Variants in RABL2A observed in about 807,000 individuals in gnomAD.
RABL2A encodes RAB, member of RAS oncogene family like 2A, also known as rab-like protein 2A.
RABL2A carries 17 observed loss-of-function variants against 30.7 expected under a neutral mutation model. The observed-to-expected ratio is 0.55, with a 90% CI of 0.38 to 0.83. The LOEUF is 0.83. Ranked by LOEUF, RABL2A falls within the 40% of genes least tolerant of loss-of-function variation. The pLI is 0.00. For synonymous variants in RABL2A, 64 were observed against 101.8 expected, an observed-to-expected ratio of 0.63 and a Z score of 2.24; for missense variants, 155 against 272.6, an observed-to-expected ratio of 0.57 and a Z score of 3.04.
chr2:113,629,696 A>G (rs1679556386), intron 2 of RABL2A, among the ~76,000 whole-genome samples: 2 of 152,080 alleles, frequency 1.3e-5, no homozygotes, highest in Admixed American at 1.3e-4. Flanking sequence ...CACCACACCC[A>G]GCTAATTTTA....
intron 4 of RABL2A, 101 bp downstream of exon 4, chr2:113,634,333 A>G: frequency 6.7e-7 from 1 of 1,494,656 alleles, no homozygotes; most frequent in South Asian, 1.2e-5. Flanking sequence ...CCAGAGGGAG[A>G]AAATGAGACC....
chr2:113,634,014 A>G (rs949492165), intron 3 of RABL2A, 139 bp from the exon 4 acceptor site: 4 of 1,451,244 alleles, frequency 2.8e-6, no homozygotes, highest in African/African-American at 2.8e-5. Context: ...TCTGTCTGCA[A>G]CATTCATTTG....
intron 5 of RABL2A, chr2:113,638,278 G>T: frequency 1.0e-6 from 1 of 985,422 alleles, no homozygotes; most frequent in Non-Finnish European, 1.2e-6. Context: ...TGTGACAGTT[G>T]CTGACCCTCC....
chr2:113,628,970 C>T (rs568107398), intron 2 of RABL2A, among the ~76,000 whole-genome samples: 18 of 151,488 alleles, frequency 1.2e-4, no homozygotes, highest in African/African-American at 3.9e-4. Flanking sequence ...CAACTGAGGA[C>T]ATTGTATGTG....
intron 5 of RABL2A, among the ~76,000 whole-genome samples, chr2:113,636,321 T>C (rs1404579569): frequency 6.6e-6 from 1 of 151,938 alleles, no homozygotes. Context: ...AATCCATGTC[T>C]GAAGTCTCAG....
rs1451422218 is a variant in RABL2A at position 113,642,312 on chromosome 2, T to C, written c.*183T>C. On this transcript the variant is annotated 3_prime_UTR_variant, in exon 9 of 9. Transcript: ENST00000683472. ...GGATGAGGTCAGCACCAGCAAACTC[T>C]GGACTGGTGGAAGAATTCCCCACCA... The C allele has an allele frequency of 1.6e-5, 22 of 1,385,428 alleles. No individual in the cohort carries two copies. The highest frequency in any genetic ancestry group is 1.4e-4 in the Admixed American group (5 of 35,090). The allele number at this position is 1,385,428 out of a possible 1,614,324, so 85.8% of individuals were successfully genotyped here.
At chr2:113,637,602 C>G in intron 5 of RABL2A, 3 of 1,212,666 alleles carry the variant, frequency 2.5e-6, no homozygotes, top group Non-Finnish European at 3.2e-6. Flanking sequence ...CCGTTAAGAA[C>G]AAAATCCCTT....
intron 5 of RABL2A, among the ~76,000 whole-genome samples, chr2:113,635,733 C>T (rs550089675): frequency 2.6e-5 from 4 of 152,326 alleles, no homozygotes; most frequent in East Asian, 1.9e-4. Context: ...AGTTCCTACC[C>T]GTGAATTCCC....
At chr2:113,634,456 A>T in intron 4 of RABL2A, 1 of 580,098 alleles carries the variant, frequency 1.7e-6, no homozygotes, top group Non-Finnish European at 3.1e-6. Context: ...CCAGGCCAGC[A>T]CCTGTGCAGG....
intron 3 of RABL2A, chr2:113,633,183 G>A (rs2104589387): frequency 1.6e-6 from 1 of 633,240 alleles, no homozygotes; most frequent in East Asian, 2.9e-5. Context: ...TATTAAGAGG[G>A]CAGTAGAATG....
chr2:113,632,150 CA>C (rs1322413631), intron 2 of RABL2A, among the ~76,000 whole-genome samples: 2 of 152,036 alleles, frequency 1.3e-5, no homozygotes, highest in Non-Finnish European at 2.9e-5. Context: ...AACATTGGGT[CA>C]AAGACTTGAA....
chr2:113,641,453 G>A lies in RABL2A; in HGVS notation c.507+3G>A. The A allele has an allele frequency of 6.2e-7, 1 of 1,612,506 alleles. No individual in the cohort carries two copies. The highest frequency in any genetic ancestry group is 8.5e-7 in the Non-Finnish European group (1 of 1,179,504). ...CTGATGGTACCAATGTTGTGAAGGT[G>A]TGGTTGACTGCAGAGGTAGCTAGCA... is the stretch of plus-strand genomic sequence containing the variant. On this transcript the variant is annotated splice_donor_region_variant and intron_variant, in intron 7 of 8. Coordinates refer to ENST00000683472, the MANE Select transcript of RABL2A (RefSeq NM_001306158.2).
chr2:113,638,992 A>T (rs1478787689), intron 5 of RABL2A, among the ~76,000 whole-genome samples: 2 of 152,254 alleles, frequency 1.3e-5, no homozygotes, highest in Non-Finnish European at 2.9e-5. Flanking sequence ...CTTTAAAAAA[A>T]TTTAAAGAGG....
chr2:113,632,448 G>A (rs958633173), intron 2 of RABL2A, among the ~76,000 whole-genome samples: 98 of 152,288 alleles, frequency 6.4e-4, no homozygotes, highest in African/African-American at 2.3e-3. Context: ...GGCGTGTGTC[G>A]CCACACCTGG....
chr2:113,636,248 C>T (rs1682675737), intron 5 of RABL2A, among the ~76,000 whole-genome samples: 1 of 151,614 alleles, frequency 6.6e-6, no homozygotes, highest in South Asian at 2.1e-4. Flanking sequence ...CATTCAAGGT[C>T]TTGCTTTAAC....
Position 113,635,083 on chromosome 2 carries a change from C to T in RABL2A, c.250C>T (p.Gln84Ter), listed in dbSNP as rs749074399. 3 of 1,614,212 alleles carry T rather than the reference C, an allele frequency of 1.9e-6. No homozygotes were observed. The highest frequency in any genetic ancestry group is 4.5e-5 in the East Asian group (2 of 44,886). ...GGACACGGCAGGCCAGGAGCGGTTC[C>T]AGAGCATGCATGCCTCCTACTACCA... ...FWDTAGQERF[Q>*]SMHASYYHKA... Residue 84 changes from glutamine to a stop codon, truncating the protein, a stop_gained, in exon 5 of 9, where the codon CAG becomes TAG. Transcript: ENST00000683472. LOFTEE classifies it high-confidence loss of function.
intron 5 of RABL2A, among the ~76,000 whole-genome samples, chr2:113,639,493 G>A (rs1192450281): frequency 1.4e-4 from 20 of 145,450 alleles, no homozygotes; most frequent in East Asian, 4.1e-4. Context: ...ATGGTGGTGC[G>A]CACCTGTAAT....
intron 1 of RABL2A, chr2:113,628,097 G>C (rs1313129209): frequency 4.3e-6 from 1 of 233,696 alleles, no homozygotes; most frequent in Non-Finnish European, 8.5e-6. Flanking sequence ...TCCATCCTCT[G>C]AACCCTGTGC....
chr2:113,639,119 C>G (rs997648480), intron 5 of RABL2A, among the ~76,000 whole-genome samples: 18 of 151,704 alleles, frequency 1.2e-4, no homozygotes, highest in African/African-American at 4.1e-4. Flanking sequence ...CTTATCATCT[C>G]TACAAAAAAT....
Sources: gnomAD v4.1 joint callset for allele counts (sites outside exome capture counted in the v4.1 genomes callset) on GRCh38, gnomAD v4.1.1 for gene constraint, MANE v1.5 for transcripts, NCBI Gene and HGNC (gene_info 2026-07-23, HGNC 2026-07-21) for gene names.